SIRPB1: variants seen among roughly 807,000 people sequenced by gnomAD.
The protein encoded by SIRPB1 is signal-regulatory protein beta-1.
Under a neutral mutation model 34.1 loss-of-function variants are expected in SIRPB1, and 28 were observed. The observed-to-expected ratio is 0.82, with a 90% confidence interval of 0.61 to 1.12. SIRPB1 has a LOEUF of 1.12. SIRPB1 is among the 50% of genes most tolerant of loss of function. The pLI is 0.00. For synonymous variants in SIRPB1, 211 were observed against 203.8 expected (o/e 1.04, Z -0.30); for missense variants, 499 against 507.0 (o/e 0.98, Z 0.15).
intron 1 of SIRPB1, among the ~76,000 whole-genome samples, chr20:1,616,035 CA>C (rs1286549948): frequency 4.0e-5 from 6 of 151,796 alleles, no homozygotes; most frequent in African/African-American, 1.5e-4. Context: ...AAGACCTCCA[CA>C]AAAAAAGCTA....
rs758791555 is a variant in SIRPB1, at chr20:1,571,813, C to T, written c.658G>A (p.Asp220Asn). ...TCGCAGATGACTTGAGAGTGAACGT[C>T]CCCACGGGTCAGCACCACCCTGGCT... ...STARVVLTRG[D>N]VHSQVICEIA... Residue 220 changes from aspartate (D) to asparagine (N), a missense_variant, in exon 3 of 6, where the codon GAC becomes AAC. Transcript: ENST00000381605. The T allele has an allele frequency of 6.2e-7, 1 of 1,614,194 alleles. No homozygotes were observed. Among genetic ancestry groups the T allele is most frequent in the East Asian group, 2.2e-5 (1 of 44,886 alleles).
At chr20:1,565,917 C>G (rs2091122753) in intron 5 of SIRPB1, among the ~76,000 whole-genome samples, 1 of 152,028 alleles carries the variant, frequency 6.6e-6, no homozygotes, top group Non-Finnish European at 1.5e-5. Context: ...AACTTTGAAC[C>G]CCCTTGAAGC....
At chr20:1,612,935 A>G (rs1284194075) in intron 1 of SIRPB1, among the ~76,000 whole-genome samples, 1 of 71,908 alleles carries the variant, frequency 1.4e-5, no homozygotes, top group Non-Finnish European at 2.6e-5. Context: ...ATAAAATTGC[A>G]GTAAGTCTGA....
At position 1,588,558 on chromosome 20, in the gene SIRPB1, A is replaced by T; in HGVS notation, c.77-9864T>A. 3.4e-6 allele frequency: 2 copies of T among 593,356 alleles called. 1 individual carries two copies. 36.8% of individuals were successfully genotyped at this position (593,356 alleles called of 1,614,324 possible). A position where few individuals can be genotyped will look rare whatever the true frequency, so the allele number is the denominator to read the frequency against. ...AGGGTTCTAGCCCAAGGCAATGCTT[A>T]CCTGTGAGTCCCAGCAATAGAGTCA... On this transcript the variant is annotated intron_variant, in intron 1 of 5. Coordinates refer to ENST00000381605, the MANE Select transcript of SIRPB1 (RefSeq NM_006065.5).
intron 1 of SIRPB1, among the ~76,000 whole-genome samples, chr20:1,609,262 G>A (rs2091541822): frequency 1.4e-5 from 1 of 72,192 alleles, no homozygotes; most frequent in Non-Finnish European, 2.6e-5. Context: ...GCACAATCAG[G>A]AAAAAGCCAC....
chr20:1,564,913 A>G lies in SIRPB1; in HGVS notation c.*587T>C. The G allele has an allele frequency of 2.5e-6, 1 of 398,616 alleles. No individual in the cohort carries two copies. Among genetic ancestry groups the G allele is most frequent in the South Asian group, 1.3e-4 (1 of 7,860 alleles). 24.7% of individuals were successfully genotyped at this position (398,616 alleles called of 1,614,324 possible). On this transcript the variant is annotated 3_prime_UTR_variant, in exon 6 of 6. Coordinates refer to ENST00000381605, the MANE Select transcript of SIRPB1 (RefSeq NM_006065.5). ...CTCCTCAATGTTGGGCTGTGGCAGC[A>G]TTTCTACCACAAGCAGCAGGACTGG... is the stretch of plus-strand genomic sequence containing the variant.
At position 1,597,879 on chromosome 20, in the gene SIRPB1, G is replaced by A; in HGVS notation, c.77-19185C>T. 2 of 370,028 alleles carry A rather than the reference G, an allele frequency of 5.4e-6. 1 individual carries two copies. 22.9% of individuals were successfully genotyped at this position (370,028 alleles called of 1,614,324 possible). On this transcript the variant is annotated intron_variant, in intron 1 of 5. Transcript: ENST00000381605. ...GGAGAGTCCAAGACGATGGAGGAGA[G>A]GTGTCCTGATGTGTTTAGATTTGGC... is the stretch of plus-strand genomic sequence containing the variant.
intron 5 of SIRPB1, among the ~76,000 whole-genome samples, 175 bp downstream of exon 5, chr20:1,565,978 G>A (rs1237894969): frequency 1.3e-5 from 2 of 152,050 alleles, no homozygotes; most frequent in Admixed American, 6.5e-5. Context: ...CACACTCCCT[G>A]GGGGTTGGGA....
rs376269299 is a variant in SIRPB1 at position 1,619,833 on chromosome 20, G to A, written c.76+36C>T. The A allele has an allele frequency of 3.0e-5, 44 of 1,480,304 alleles. No homozygotes were observed. The African/African-American group carries it at 4.8e-4, about 16-fold the overall frequency. 91.7% of individuals were successfully genotyped at this position (1,480,304 alleles called of 1,614,324 possible). A position where few individuals can be genotyped will look rare whatever the true frequency, so the allele number is the denominator to read the frequency against. On this transcript the variant is annotated intron_variant, in intron 1 of 5. Transcript: ENST00000381605. Reference sequence around the variant, plus strand: ...CCAGGGACAGGCCATGGCTCAGTGGGCAGGAAAAAAGATTTTAACCGAAGG... The same window carrying A: ...CCAGGGACAGGCCATGGCTCAGTGGACAGGAAAAAAGATTTTAACCGAAGG...
chr20:1,567,411 G>A (rs1375408665), intron 4 of SIRPB1, among the ~76,000 whole-genome samples: 1 of 152,140 alleles, frequency 6.6e-6, no homozygotes, highest in African/African-American at 2.4e-5. Context: ...CTGCACTGTG[G>A]CTCAGCACCT....
Position 1,587,247 on chromosome 20 carries a change from G to C in SIRPB1, c.77-8553C>G, listed in dbSNP as rs1466241310. ...TAAAACACACAGAATGCTAAGAACA[G>C]TTTTTGCGTTATAGGAAGATCTCAA... is the stretch of plus-strand genomic sequence containing the variant. On this transcript the variant is annotated intron_variant, in intron 1 of 5. Coordinates refer to ENST00000381605, the MANE Select transcript of SIRPB1 (RefSeq NM_006065.5). Among the ~76,000 whole-genome samples, 5 of 49,586 alleles carry C rather than the reference G, an allele frequency of 1.0e-4. 2 individuals are homozygous for C. The highest frequency in any genetic ancestry group is 4.0e-4 in the Admixed American group (3 of 7,480). The allele number at this position is 49,586 out of a possible 152,430, so 32.5% of individuals were successfully genotyped here.
At position 1,563,080 on chromosome 20, in the gene SIRPB1, A is replaced by C. The variant is rs1465894835; in HGVS notation, c.*2420T>G. On this transcript the variant is annotated 3_prime_UTR_variant, in exon 6 of 6. Transcript: ENST00000381605. ...ATGTCCCAAAGGTTGAAATGCCAGC[A>C]AAAAACTTCACATGAAAGGATCTTC... Among the ~76,000 whole-genome samples, 2 of 152,354 alleles carry C rather than the reference A, an allele frequency of 1.3e-5. No individual in the cohort carries two copies. The highest frequency in any genetic ancestry group is 3.9e-4 in the East Asian group (2 of 5,184).
At chr20:1,572,546 G>A (rs1169696485) in intron 2 of SIRPB1, among the ~76,000 whole-genome samples, 2 of 151,300 alleles carry the variant, frequency 1.3e-5, no homozygotes, top group Non-Finnish European at 3.0e-5. Flanking sequence ...GGAGGACGGC[G>A]TTTCTACTTC....
At chr20:1,577,347 T>C (rs1485791289) in intron 2 of SIRPB1, among the ~76,000 whole-genome samples, 1 of 147,722 alleles carries the variant, frequency 6.8e-6, no homozygotes, top group East Asian at 1.9e-4. Context: ...TAACTGGCCC[T>C]GTGACCATGG....
chr20:1,565,227 T>TG lies in SIRPB1; in HGVS notation c.*272dup. The TG allele has an allele frequency of 5.1e-6, 2 of 393,574 alleles. No individual in the cohort carries two copies. Among genetic ancestry groups the TG allele is most frequent in the Non-Finnish European group, 8.9e-6 (2 of 223,526 alleles). 24.4% of individuals were successfully genotyped at this position (393,574 alleles called of 1,614,324 possible). ...CCAAGGCGACGGATGGGAGAAGTCC[T>TG]GGTGTGTTTAGATTTGGAGTGTTTC... is the stretch of plus-strand genomic sequence containing the variant. On this transcript the variant is annotated 3_prime_UTR_variant, in exon 6 of 6. Transcript: ENST00000381605.
At chr20:1,607,529 A>AT (rs900223719) in intron 1 of SIRPB1, among the ~76,000 whole-genome samples, 2,774 of 12,598 alleles carry the variant, frequency 0.22, 703 homozygotes, top group Middle Eastern at 0.38. Context: ...TTAAATTGGC[A>AT]TTTTAGGGGG....
At chr20:1,578,223 G>A in intron 2 of SIRPB1, 115 bp downstream of exon 2, 1 of 1,164,120 alleles carries the variant, frequency 8.6e-7, no homozygotes. Context: ...ATCAGTTCAT[G>A]AAAGGGTGGC....
intron 2 of SIRPB1, among the ~76,000 whole-genome samples, chr20:1,576,161 C>T (rs1482501081): frequency 6.8e-6 from 1 of 147,242 alleles, no homozygotes; most frequent in African/African-American, 2.5e-5. Flanking sequence ...CCACCACTGG[C>T]TGTGGCTGCC....
rs1264839635 is a variant in SIRPB1, at chr20:1,610,685, A to T, written c.76+9184T>A. 5.5e-5 allele frequency among the ~76,000 whole-genome samples: 4 copies of T among 72,114 alleles called. 2 individuals carry two copies. Among genetic ancestry groups the T allele is most frequent in the Non-Finnish European group, 1.0e-4 (4 of 38,436 alleles). The allele number at this position is 72,114 out of a possible 152,430, so 47.3% of individuals were successfully genotyped here. The stretch of plus-strand genomic sequence containing the variant: ...AATCGCAGAAGGGTTTCCCAAATAG[A>T]CCCACAGCAAATGCCAAACGTATTG... On this transcript the variant is annotated intron_variant, in intron 1 of 5. Coordinates refer to ENST00000381605, the MANE Select transcript of SIRPB1 (RefSeq NM_006065.5).
Sources: allele counts gnomAD v4.1 joint callset (sites outside exome capture counted in the v4.1 genomes callset), GRCh38; gene constraint gnomAD v4.1.1; transcripts MANE v1.5; gene names NCBI Gene and HGNC (gene_info 2026-07-23, HGNC 2026-07-21).